The following MECOM variants were observed in gnomAD, a reference collection of about 807,000 sequenced individuals.
MECOM encodes MDS1 and EVI1 complex locus.
MECOM carries 13 observed loss-of-function variants against 116.3 expected under a neutral mutation model. The ratio of observed to expected loss-of-function variants is 0.11; its 90% CI spans 0.07 to 0.18. The LOEUF is 0.18. Among genes scored for constraint, MECOM ranks in the 10% least tolerant of loss-of-function variants. The pLI, the probability that MECOM is intolerant of heterozygous loss-of-function variation, is 1.00. For missense variants in MECOM, 1,299 were observed against 1,509.0 expected, an observed-to-expected ratio of 0.86 and a Z score of 2.31; for synonymous variants, 528 against 535.2, an observed-to-expected ratio of 0.99 and a Z score of 0.19.
chr3:169,366,196 G>A (rs1281554861), intron 2 of MECOM, among the ~76,000 whole-genome samples: 1 of 151,906 alleles, frequency 6.6e-6, no homozygotes, highest in Non-Finnish European at 1.5e-5. Flanking sequence ...CAGGGTTGGT[G>A]ACTTCCTGGG....
intron 1 of MECOM, among the ~76,000 whole-genome samples, chr3:169,425,103 C>T (rs986051862): frequency 6.7e-6 from 1 of 149,714 alleles, no homozygotes; most frequent in Admixed American, 6.7e-5. Context: ...GCAGAAACCC[C>T]CCCCCACTTG....
intron 1 of MECOM, among the ~76,000 whole-genome samples, chr3:169,591,987 C>T (rs1454256343): frequency 6.6e-6 from 1 of 152,062 alleles, no homozygotes; most frequent in Non-Finnish European, 1.5e-5. Context: ...TTTCTAGAAA[C>T]CAAACTGAAA....
Position 169,095,061 on chromosome 3 carries a change from C to T in MECOM, c.3019+15G>A. The stretch of plus-strand genomic sequence containing the variant: ...AAGAAGTCATCTTTGACTTATAACA[C>T]AATTTATTACGTACCGGACATGTTC... On this transcript the variant is annotated intron_variant, in intron 13 of 16. Transcript: ENST00000651503. The T allele has an allele frequency of 2.6e-6, 4 of 1,527,914 alleles. No individual in the cohort carries two copies. The highest frequency in any genetic ancestry group is 1.8e-4 in the Middle Eastern group (1 of 5,626). The allele number at this position is 1,527,914 out of a possible 1,614,324, so 94.6% of individuals were successfully genotyped here. A position where few individuals can be genotyped will look rare whatever the true frequency, so the allele number is the denominator to read the frequency against.
intron 1 of MECOM, among the ~76,000 whole-genome samples, chr3:169,415,715 A>G (rs1738465345): frequency 6.6e-6 from 1 of 152,188 alleles, no homozygotes; most frequent in South Asian, 2.1e-4. Flanking sequence ...AGAAAAAAAA[A>G]GCATGGGTTG....
Position 169,447,741 on chromosome 3 carries a change from AG to A in MECOM, c.38-66218del, listed in dbSNP as rs367866893. 25 of 152,416 alleles carry A rather than the reference AG, an allele frequency of 1.6e-4. 1 individual carries two copies. Among genetic ancestry groups the A allele is most frequent in the African/African-American group, 5.8e-4 (24 of 41,598 alleles). The allele number at this position is 152,416 out of a possible 1,614,324, so 9.4% of individuals were successfully genotyped here. On this transcript the variant is annotated intron_variant, in intron 1 of 16. Coordinates refer to ENST00000651503, the MANE Select transcript of MECOM (RefSeq NM_004991.4). ...CCATCTCCACCTGGAAAGACTGGAAAGGCTACACACCAGAGCTCAAATTTGA... is the reference window on the plus strand; with the variant it reads ...CCATCTCCACCTGGAAAGACTGGAAAGCTACACACCAGAGCTCAAATTTGA...
At chr3:169,593,220 G>T (rs184101366) in intron 1 of MECOM, among the ~76,000 whole-genome samples, 6 of 152,288 alleles carry the variant, frequency 3.9e-5, no homozygotes, top group Non-Finnish European at 5.9e-5. Flanking sequence ...TTAACACTAG[G>T]AAAACAAACG....
intron 2 of MECOM, among the ~76,000 whole-genome samples, chr3:169,340,942 T>TA (rs1724401146): frequency 1.3e-5 from 2 of 152,170 alleles, no homozygotes; most frequent in South Asian, 2.1e-4. Context: ...GGTGGAACAT[T>TA]AAAAAATCTG....
At chr3:169,164,589 T>C (rs1271375097) in intron 2 of MECOM, among the ~76,000 whole-genome samples, 1 of 152,132 alleles carries the variant, frequency 6.6e-6, no homozygotes, top group East Asian at 1.9e-4. Flanking sequence ...AAAAAAATCA[T>C]CTATCTTCAT....
At chr3:169,473,102 C>T (rs1338142482) in intron 1 of MECOM, 1 of 208,040 alleles carries the variant, frequency 4.8e-6, no homozygotes, top group Non-Finnish European at 8.4e-6. Context: ...TGGTTCCAAC[C>T]TGTGAGAGAA....
At chr3:169,412,210 C>T (rs1375346164) in intron 1 of MECOM, among the ~76,000 whole-genome samples, 3 of 150,044 alleles carry the variant, frequency 2.0e-5, no homozygotes, top group Non-Finnish European at 4.4e-5. Flanking sequence ...CACCTGAACC[C>T]AGGAGGCGGA....
chr3:169,626,302 A>G (rs1174831050), intron 1 of MECOM, among the ~76,000 whole-genome samples: 3 of 152,218 alleles, frequency 2.0e-5, no homozygotes, highest in African/African-American at 7.2e-5. Flanking sequence ...TATGTACACT[A>G]TGTAAATTTC....
chr3:169,374,375 G>A (rs1730663991), intron 2 of MECOM, among the ~76,000 whole-genome samples: 1 of 151,914 alleles, frequency 6.6e-6, no homozygotes, highest in Non-Finnish European at 1.5e-5. Flanking sequence ...AGTAGCCCAA[G>A]CTGACTAATA....
intron 1 of MECOM, among the ~76,000 whole-genome samples, chr3:169,607,027 TG>T (rs1290761280): frequency 6.6e-6 from 1 of 152,238 alleles, no homozygotes; most frequent in Non-Finnish European, 1.5e-5. Context: ...GGAGAAAATT[TG>T]GAGTCTCCGC....
At chr3:169,660,761 G>T (rs994180268) in intron 1 of MECOM, among the ~76,000 whole-genome samples, 9 of 152,132 alleles carry the variant, frequency 5.9e-5, no homozygotes, top group Admixed American at 2.6e-4. Flanking sequence ...TCCGCCACGC[G>T]CTACTCGGGG....
intron 1 of MECOM, among the ~76,000 whole-genome samples, chr3:169,433,367 C>G (rs1237283438): frequency 1.3e-5 from 2 of 152,008 alleles, no homozygotes; most frequent in African/African-American, 4.8e-5. Context: ...ATTCGGGAGG[C>G]TGAGGCAGGA....
At chr3:169,397,955 T>C (rs1415121777) in intron 1 of MECOM, among the ~76,000 whole-genome samples, 1 of 152,214 alleles carries the variant, frequency 6.6e-6, no homozygotes, top group Non-Finnish European at 1.5e-5. Flanking sequence ...TGTATCATTT[T>C]CTTCTGGGCT....
chr3:169,548,190 C>CA (rs879720168), intron 1 of MECOM, among the ~76,000 whole-genome samples: 16 of 150,432 alleles, frequency 1.1e-4, no homozygotes, highest in African/African-American at 2.2e-4. Context: ...CACACACACA[C>CA]AAAAAAAAAG....
chr3:169,600,439 A>G (rs1577061252), intron 1 of MECOM, among the ~76,000 whole-genome samples: 1 of 152,364 alleles, frequency 6.6e-6, no homozygotes, highest in African/African-American at 2.4e-5. Flanking sequence ...GTAGAAAAGT[A>G]GGCACTATAT....
chr3:169,301,118 C>T (rs143532079), intron 2 of MECOM, among the ~76,000 whole-genome samples: 30 of 152,282 alleles, frequency 2.0e-4, no homozygotes, highest in Admixed American at 1.3e-3. Context: ...TAAATATCGG[C>T]GCGATTCTGT....
Sources: allele counts gnomAD v4.1 joint callset (sites outside exome capture counted in the v4.1 genomes callset), GRCh38; gene constraint gnomAD v4.1.1; transcripts MANE v1.5; gene names NCBI Gene and HGNC (gene_info 2026-07-23, HGNC 2026-07-21).